SLC17A3: variants seen among roughly 807,000 people sequenced by gnomAD.
SLC17A3 encodes the protein sodium-dependent phosphate transport protein 4.
A neutral mutation model predicts 60.3 loss-of-function variants in SLC17A3; 61 were observed. The observed-to-expected ratio is 1.01, with a 90% CI of 0.82 to 1.25. SLC17A3 has a LOEUF of 1.25. Ranked by LOEUF, SLC17A3 falls within the 50% of genes most tolerant of loss-of-function variation. SLC17A3 has a pLI of 0.00. For missense variants in SLC17A3, 624 were observed against 594.9 expected, an observed-to-expected ratio of 1.05 and a Z score of -0.51; for synonymous variants, 192 against 208.9, an observed-to-expected ratio of 0.92 and a Z score of 0.70.
intron 1 of SLC17A3, among the ~76,000 whole-genome samples, chr6:25,873,228 T>C (rs561046227): frequency 5.7e-4 from 86 of 152,082 alleles, no homozygotes; most frequent in African/African-American, 2.0e-3. Context: ...ATCAGTCTTA[T>C]AGCCTGTCTA....
At position 25,862,407 on chromosome 6, in the gene SLC17A3, G is replaced by C; in HGVS notation, c.129C>G (p.Leu43=). ...TTGTGAAATTGCAGAAATGTAAGAC[G>C]AGGGCTATTCCATAGCGAGCAGAAC... is the stretch of plus-strand genomic sequence containing the variant. ...SLCSARYGIA[L]VLHFCNFTTI... The change falls in exon 3 of 13, where the codon CTC becomes CTG. Residue 43 remains leucine, a synonymous_variant. Transcript: ENST00000397060. The C allele has an allele frequency of 6.2e-7, 1 of 1,613,536 alleles. No individual in the cohort carries two copies. Among genetic ancestry groups the C allele is most frequent in the Non-Finnish European group, 8.5e-7 (1 of 1,179,608 alleles).
At chr6:25,867,537 C>T (rs1201078940) in intron 2 of SLC17A3, among the ~76,000 whole-genome samples, 1 of 151,912 alleles carries the variant, frequency 6.6e-6, no homozygotes, top group African/African-American at 2.4e-5. Context: ...ATTCATTTAT[C>T]ATCATATATC....
chr6:25,865,013 G>A (rs2151526232), intron 2 of SLC17A3, among the ~76,000 whole-genome samples: 1 of 152,024 alleles, frequency 6.6e-6, no homozygotes, highest in Middle Eastern at 3.4e-3. Flanking sequence ...CAGGGAAGAG[G>A]AAGTCAGTAG....
intron 1 of SLC17A3, among the ~76,000 whole-genome samples, chr6:25,872,595 T>TA (rs1765663016): frequency 1.4e-5 from 2 of 147,380 alleles, no homozygotes; most frequent in East Asian, 2.0e-4. Context: ...TATATATATA[T>TA]TTATATATAT....
chr6:25,864,084 G>T (rs72843582), intron 2 of SLC17A3, among the ~76,000 whole-genome samples: 1,527 of 152,100 alleles, frequency 0.01, 10 homozygotes, highest in South Asian at 0.018. Context: ...CTGACCTCTG[G>T]GGAAAGAACA....
chr6:25,857,226 C>T (rs1054466066), intron 5 of SLC17A3, among the ~76,000 whole-genome samples: 1 of 151,468 alleles, frequency 6.6e-6, no homozygotes, highest in African/African-American at 2.4e-5. Flanking sequence ...AAAGAGTATC[C>T]CATTTTAATT....
Position 25,868,384 on chromosome 6 carries a change from C to T in SLC17A3, c.4G>A (p.Ala2Thr). 3 of 1,611,552 alleles carry T rather than the reference C, an allele frequency of 1.9e-6. No homozygotes were observed. The highest frequency in any genetic ancestry group is 2.5e-6 in the Non-Finnish European group (3 of 1,178,358). Residue 2 changes from alanine to threonine, a missense_variant, in exon 2 of 13, where the codon GCC becomes ACC. By Grantham distance (58) the Ala-to-Thr change is moderately conservative (BLOSUM62 0). Transcript: ENST00000397060. M[A>T]TKTELSPTAR... is the part of the protein sequence containing the mutation. ...GTGGGACTCAACTCTGTCTTGGTGG[C>T]CATTGTGTTTCTCCTCTCCTAGTGA...
At chr6:25,870,540 T>A (rs1050837227) in intron 1 of SLC17A3, among the ~76,000 whole-genome samples, 4 of 152,002 alleles carry the variant, frequency 2.6e-5, no homozygotes, top group Non-Finnish European at 5.9e-5. Context: ...CTGAAGCCAC[T>A]CCAAGATTAT....
At chr6:25,854,269 G>T (rs1393668160) in intron 6 of SLC17A3, among the ~76,000 whole-genome samples, 3 of 152,072 alleles carry the variant, frequency 2.0e-5, no homozygotes, top group Non-Finnish European at 2.9e-5. Flanking sequence ...TGGATTTGTT[G>T]ATTTCTCCTT....
rs1404928291 is a variant in SLC17A3, at chr6:25,847,473, T to A, written c.1362+1901A>T. Among the ~76,000 whole-genome samples, 5 of 152,196 alleles carry A rather than the reference T, an allele frequency of 3.3e-5. No homozygotes were observed. The East Asian group carries it at 9.6e-4, about 29-fold the overall frequency. On this transcript the variant is annotated intron_variant, in intron 11 of 12. Transcript: ENST00000397060. ...GAATGGAAGATCTGTTTTTAGCTCTTTGAGGAATCACCACACTGCTTTCCA... is the reference window on the plus strand; with the variant it reads ...GAATGGAAGATCTGTTTTTAGCTCTATGAGGAATCACCACACTGCTTTCCA...
intron 11 of SLC17A3, among the ~76,000 whole-genome samples, chr6:25,846,263 C>T (rs1581517812): frequency 6.6e-6 from 1 of 152,156 alleles, no homozygotes; most frequent in African/African-American, 2.4e-5. Context: ...AACCAAAACA[C>T]TGTTATTCTA....
At chr6:25,849,496 C>A (rs778311215) in intron 10 of SLC17A3, 32 bp from the exon 11 acceptor site, 3 of 1,377,100 alleles carry the variant, frequency 2.2e-6, no homozygotes, top group Non-Finnish European at 2.1e-6. Flanking sequence ...CGGTCTAGAT[C>A]CAGAGATGTT....
intron 5 of SLC17A3, among the ~76,000 whole-genome samples, chr6:25,859,366 G>A (rs996047090): frequency 5.3e-5 from 8 of 152,166 alleles, no homozygotes; most frequent in South Asian, 4.1e-4. Context: ...CCAACTCTGC[G>A]TTCAGTGACT....
At position 25,845,290 on chromosome 6, in the gene SLC17A3, G is replaced by T; in HGVS notation, c.*11C>A. The T allele has an allele frequency of 6.7e-7, 1 of 1,484,378 alleles. No individual in the cohort carries two copies. Among genetic ancestry groups the T allele is most frequent in the Non-Finnish European group, 9.4e-7 (1 of 1,067,032 alleles). 92.0% of individuals were successfully genotyped at this position (1,484,378 alleles called of 1,614,324 possible). On this transcript the variant is annotated 3_prime_UTR_variant, in exon 13 of 13. Transcript: ENST00000397060. ...GTGCCTAATGACTTTTCCATCCAAG[G>T]TGGGATAACTAAGAAAGGAAAATGA...
At chr6:25,854,257 T>G (rs1765324775) in intron 6 of SLC17A3, among the ~76,000 whole-genome samples, 1 of 152,204 alleles carries the variant, frequency 6.6e-6, no homozygotes, top group Admixed American at 6.5e-5. Context: ...CATCTTTAAT[T>G]GTGGATTTGT....
At chr6:25,858,190 A>G (rs1765389977) in intron 5 of SLC17A3, among the ~76,000 whole-genome samples, 1 of 141,880 alleles carries the variant, frequency 7.0e-6, no homozygotes, top group Non-Finnish European at 1.6e-5. Context: ...AACAAAACAA[A>G]ACAAAACAAA....
chr6:25,863,296 T>A (rs1259044113), intron 2 of SLC17A3, among the ~76,000 whole-genome samples: 1 of 152,102 alleles, frequency 6.6e-6, no homozygotes, highest in African/African-American at 2.4e-5. Flanking sequence ...AAAGGTTAGG[T>A]CTCTACTCAA....
intron 6 of SLC17A3, among the ~76,000 whole-genome samples, chr6:25,851,368 C>T (rs1411398382): frequency 1.3e-5 from 2 of 151,718 alleles, no homozygotes; most frequent in African/African-American, 4.8e-5. Flanking sequence ...TTTTATTATC[C>T]TAACAATGCC....
chr6:25,849,325 T>C (rs1169198128), intron 11 of SLC17A3, 49 bp downstream of exon 11: 1 of 1,044,650 alleles, frequency 9.6e-7, no homozygotes, highest in South Asian at 1.3e-5. Context: ...CCTTTATAAG[T>C]GGATTTAGCA....
Sources: gnomAD v4.1 joint callset for allele counts (sites outside exome capture counted in the v4.1 genomes callset) on GRCh38, gnomAD v4.1.1 for gene constraint, MANE v1.5 for transcripts, NCBI Gene and HGNC (gene_info 2026-07-23, HGNC 2026-07-21) for gene names.